CYB5B: variants seen among roughly 807,000 people sequenced by gnomAD.
CYB5B encodes cytochrome b5 type B, also known as cytochrome b5 type B (outer mitochondrial membrane).
In CYB5B, 14 loss-of-function variants were observed where a neutral mutation model predicts 21.3. That is an observed-to-expected ratio of 0.66 (90% CI 0.43 to 1.03). The LOEUF (loss-of-function observed/expected upper bound fraction) is 1.03. CYB5B is among the 50% of genes least tolerant of loss of function. The pLI is 0.00. For synonymous variants in CYB5B, 69 were observed against 68.4 expected (o/e 1.01, Z -0.04); for missense variants, 166 against 185.1 (o/e 0.90, Z 0.60).
chr16:69,431,641 A>C (rs1455876021), intron 1 of CYB5B, among the ~76,000 whole-genome samples: 2 of 152,106 alleles, frequency 1.3e-5, no homozygotes, highest in Non-Finnish European at 2.9e-5. Context: ...GCATGGTGGC[A>C]TGAGCCTGTA....
intron 1 of CYB5B, among the ~76,000 whole-genome samples, chr16:69,427,455 G>A (rs2014659774): frequency 6.6e-6 from 1 of 151,768 alleles, no homozygotes; most frequent in African/African-American, 2.4e-5. Flanking sequence ...ACCACATGCT[G>A]ATATAGCCAG....
rs554869805 is a variant in CYB5B at position 69,465,591 on chromosome 16, C to A, written c.*3071C>A. On this transcript the variant is annotated 3_prime_UTR_variant, in exon 5 of 5. Coordinates refer to ENST00000307892, the MANE Select transcript of CYB5B (RefSeq NM_030579.3). Reference sequence around the variant, plus strand: ...ATATGTTGTGAAATCAGAACACTGTCGAGTTTATACTCATTTAGCTGCAAT... The same window carrying A: ...ATATGTTGTGAAATCAGAACACTGTAGAGTTTATACTCATTTAGCTGCAAT... 6.6e-5 allele frequency: 10 copies of A among 152,146 alleles called. No homozygotes were observed. Among genetic ancestry groups the A allele is most frequent in the African/African-American group, 2.4e-4 (10 of 41,420 alleles). The allele number at this position is 152,146 out of a possible 1,614,324, so 9.4% of individuals were successfully genotyped here.
In CYB5B at chr16:69,462,484, G is replaced by A. The variant is rs1227432716; in HGVS notation, c.417G>A (p.Leu139=). ...PIIGAVLLGF[L]YRYYTSESKS... is the part of the protein sequence containing the mutation. ...TAGGCGCTGTTCTCTTAGGTTTCCTGTACCGCTACTACACATCGGAAAGCA... is the reference window on the plus strand; with the variant it reads ...TAGGCGCTGTTCTCTTAGGTTTCCTATACCGCTACTACACATCGGAAAGCA... The change falls in exon 5 of 5, where the codon CTG becomes CTA. Residue 139 remains leucine (L), a synonymous_variant. Transcript: ENST00000307892. The A allele has an allele frequency of 2.5e-6, 4 of 1,614,108 alleles. No homozygotes were observed. Among genetic ancestry groups the A allele is most frequent in the Non-Finnish European group, 3.4e-6 (4 of 1,180,016 alleles).
intron 1 of CYB5B, among the ~76,000 whole-genome samples, chr16:69,442,863 G>T: frequency 6.9e-6 from 1 of 145,588 alleles, no homozygotes; most frequent in South Asian, 2.2e-4. Flanking sequence ...AGAGTCTCTA[G>T]CTCAAACACA....
chr16:69,438,608 CTT>C (rs35676965), intron 1 of CYB5B, among the ~76,000 whole-genome samples: 1 of 150,620 alleles, frequency 6.6e-6, no homozygotes, highest in Admixed American at 6.6e-5. Flanking sequence ...ATTTTCATTT[CTT>C]TTTTTTTTGG....
intron 3 of CYB5B, among the ~76,000 whole-genome samples, chr16:69,453,922 A>G (rs917182699): frequency 2.0e-5 from 3 of 152,224 alleles, no homozygotes; most frequent in South Asian, 4.1e-4. Context: ...GAAAGAAAGC[A>G]TAGAATGTGA....
In CYB5B at chr16:69,448,158, G is replaced by C; in HGVS notation, c.333+14G>C. On this transcript the variant is annotated intron_variant, in intron 3 of 4. Transcript: ENST00000307892. ...AGTGGTAGCAAGGTAAGAAGTCAGC[G>C]GTTTGTCTTGTGTTTATATTTGTGT... 6.2e-7 allele frequency: 1 copy of C among 1,612,978 alleles called. No homozygotes were observed. Among genetic ancestry groups the C allele is most frequent in the Non-Finnish European group, 8.5e-7 (1 of 1,179,640 alleles).
chr16:69,453,442 C>T (rs1179345860), intron 3 of CYB5B, among the ~76,000 whole-genome samples: 2 of 152,100 alleles, frequency 1.3e-5, no homozygotes, highest in South Asian at 2.1e-4. Flanking sequence ...ATACCTACTA[C>T]CTAATTTATT....
At chr16:69,454,086 C>T (rs999876826) in intron 3 of CYB5B, among the ~76,000 whole-genome samples, 3 of 152,116 alleles carry the variant, frequency 2.0e-5, no homozygotes, top group Non-Finnish European at 4.4e-5. Context: ...ATCAGCCCTC[C>T]AATGTTATAA....
At chr16:69,430,961 C>CGGCA (rs1555509367) in intron 1 of CYB5B, among the ~76,000 whole-genome samples, 1 of 151,402 alleles carries the variant, frequency 6.6e-6, no homozygotes. Flanking sequence ...GTGTGAGCCA[C>CGGCA]CATGCCCAGC....
intron 3 of CYB5B, among the ~76,000 whole-genome samples, chr16:69,458,698 C>T (rs1371733634): frequency 6.6e-6 from 1 of 152,114 alleles, no homozygotes; most frequent in Non-Finnish European, 1.5e-5. Context: ...GCTTTTTGGA[C>T]TTTAAAAAAT....
chr16:69,426,766 G>GGT (rs2014652003), intron 1 of CYB5B, among the ~76,000 whole-genome samples: 1 of 148,502 alleles, frequency 6.7e-6, no homozygotes, highest in African/African-American at 2.5e-5. Flanking sequence ...TTTTAACAGA[G>GGT]GTACAAGTAA....
At chr16:69,427,974 C>T (rs1267252543) in intron 1 of CYB5B, among the ~76,000 whole-genome samples, 2 of 145,686 alleles carry the variant, frequency 1.4e-5, no homozygotes, top group Admixed American at 7.0e-5. Context: ...CCAGCCTGGG[C>T]GACAGTCAGA....
rs553090729 is a variant in CYB5B at position 69,455,265 on chromosome 16, A to G, written c.334-3828A>G. Among the ~76,000 whole-genome samples, 3 of 152,258 alleles carry G rather than the reference A, an allele frequency of 2.0e-5. No individual in the cohort carries two copies. In the South Asian group the frequency reaches 6.2e-4, roughly 32 times the overall value. Reference sequence around the variant, plus strand: ...TTCCTACATTTATGTCCTGATGACAAAGTACACTCCATTCCTTAAGTGTGT... The same window carrying G: ...TTCCTACATTTATGTCCTGATGACAGAGTACACTCCATTCCTTAAGTGTGT... On this transcript the variant is annotated intron_variant, in intron 3 of 4. Coordinates refer to ENST00000307892, the MANE Select transcript of CYB5B (RefSeq NM_030579.3).
At chr16:69,425,706 C>T (rs1231121389) in intron 1 of CYB5B, among the ~76,000 whole-genome samples, 5 of 152,176 alleles carry the variant, frequency 3.3e-5, no homozygotes, top group Admixed American at 6.5e-5. Flanking sequence ...TAAAAAGCTT[C>T]CTTTCCCTTT....
chr16:69,448,938 A>G (rs557083891), intron 3 of CYB5B: 1 of 152,290 alleles, frequency 6.6e-6, no homozygotes, highest in East Asian at 1.9e-4. Context: ...TTGAGCCGAA[A>G]TTACTGAATA....
intron 1 of CYB5B, among the ~76,000 whole-genome samples, chr16:69,434,103 C>T (rs867989851): frequency 3.3e-5 from 5 of 152,152 alleles, no homozygotes; most frequent in Admixed American, 1.3e-4. Flanking sequence ...GTGTTGTCCC[C>T]ATACACACTC....
chr16:69,439,026 C>G (rs1301823137), intron 1 of CYB5B, among the ~76,000 whole-genome samples: 2 of 151,978 alleles, frequency 1.3e-5, no homozygotes, highest in Non-Finnish European at 2.9e-5. Context: ...AATCCATTGT[C>G]AATCTCAAGG....
intron 3 of CYB5B, among the ~76,000 whole-genome samples, chr16:69,452,238 C>T (rs1239277880): frequency 7.0e-6 from 1 of 142,248 alleles, no homozygotes; most frequent in Non-Finnish European, 1.5e-5. Context: ...GGCGTGAACC[C>T]GGGAGGTGGA....
Sources: allele counts gnomAD v4.1 joint callset (sites outside exome capture counted in the v4.1 genomes callset), GRCh38; gene constraint gnomAD v4.1.1; transcripts MANE v1.5; gene names NCBI Gene and HGNC (gene_info 2026-07-23, HGNC 2026-07-21).